AK8: variants seen among roughly 807,000 people sequenced by gnomAD.
AK8 encodes ATP-AMP transphosphorylase 8.
In AK8, 44 loss-of-function variants were observed where a neutral mutation model predicts 54.6. That is an observed-to-expected ratio of 0.81 (90% CI 0.63 to 1.04). The LOEUF is 1.04. Ranked by LOEUF, AK8 falls within the 50% of genes least tolerant of loss-of-function variation. The pLI is 0.00. For missense variants in AK8, 555 were observed against 613.6 expected, an observed-to-expected ratio of 0.90 and a Z score of 1.01; for synonymous variants, 239 against 245.6, an observed-to-expected ratio of 0.97 and a Z score of 0.25.
At chr9:132,747,061 G>C (rs557585951) in intron 11 of AK8, among the ~76,000 whole-genome samples, 1 of 152,146 alleles carries the variant, frequency 6.6e-6, no homozygotes. Flanking sequence ...TGAGGCTCAG[G>C]GTAGCCAAGT....
intron 9 of AK8, among the ~76,000 whole-genome samples, chr9:132,815,284 A>T (rs1354221775): frequency 6.6e-6 from 1 of 152,242 alleles, no homozygotes; most frequent in African/African-American, 2.4e-5. Context: ...TCATCATTAA[A>T]GGGCACCATG....
chr9:132,836,235 G>T (rs774298004), intron 5 of AK8, among the ~76,000 whole-genome samples: 1 of 152,224 alleles, frequency 6.6e-6, no homozygotes, highest in Non-Finnish European at 1.5e-5. Context: ...GCTGCAGGGA[G>T]CTATAATTGT....
At chr9:132,827,526 G>A (rs935263452) in intron 7 of AK8, 8 of 210,344 alleles carry the variant, frequency 3.8e-5, no homozygotes, top group East Asian at 2.4e-4. Context: ...GGGCAGTCCC[G>A]TCTCCCCCCA....
intron 11 of AK8, among the ~76,000 whole-genome samples, chr9:132,773,132 C>T (rs1839061175): frequency 6.6e-6 from 1 of 152,248 alleles, no homozygotes; most frequent in Non-Finnish European, 1.5e-5. Context: ...ACCTGCGAGT[C>T]TCTCCCTGAT....
At chr9:132,877,986 C>A (rs1401265459) in intron 1 of AK8, 186 bp downstream of exon 1, 1 of 1,453,078 alleles carries the variant, frequency 6.9e-7, no homozygotes, top group Non-Finnish European at 9.4e-7. Context: ...CGGGCAGGAC[C>A]AGGAGCGTCC....
At chr9:132,742,866 A>G (rs1837460560) in intron 11 of AK8, among the ~76,000 whole-genome samples, 1 of 152,200 alleles carries the variant, frequency 6.6e-6, no homozygotes, top group African/African-American at 2.4e-5. Flanking sequence ...TCATTAGAAC[A>G]GATGAGGGAA....
At chr9:132,810,004 C>G (rs1840919925) in intron 10 of AK8, among the ~76,000 whole-genome samples, 1 of 152,210 alleles carries the variant, frequency 6.6e-6, no homozygotes, top group African/African-American at 2.4e-5. Flanking sequence ...CCCTGCCAGA[C>G]CTGGGTGGTT....
rs1037032211 is a variant in AK8, at chr9:132,791,970, G to C, written c.1121+664C>G. ...CCCCAAGCCAACAGCCTCCAACTGGGGCATGGTAGAACCGAAGCCTTTCCC... is the reference window on the plus strand; with the variant it reads ...CCCCAAGCCAACAGCCTCCAACTGGCGCATGGTAGAACCGAAGCCTTTCCC... On this transcript the variant is annotated intron_variant, in intron 11 of 12. Coordinates refer to ENST00000298545, the MANE Select transcript of AK8 (RefSeq NM_152572.3). This position sits in a 1 kb window ranked among gnomAD's most constrained non-coding sequence, Gnocchi z 4.0. Among the ~76,000 whole-genome samples the C allele has an allele frequency of 1.1e-4, 17 of 152,184 alleles. No homozygotes were observed. The highest frequency in any genetic ancestry group is 3.9e-4 in the African/African-American group (16 of 41,434).
chr9:132,878,380 C>A (rs552063043), upstream of AK8: 5 of 1,245,794 alleles, frequency 4.0e-6, no homozygotes, highest in African/African-American at 4.7e-5. The surrounding 1 kb of genome is among the most constrained non-coding windows in gnomAD (Gnocchi z 4.7). Context: ...ACCCGATCCT[C>A]GGTCGCGCGG....
intron 11 of AK8, among the ~76,000 whole-genome samples, chr9:132,739,863 G>A (rs1193289295): frequency 1.3e-5 from 2 of 152,276 alleles, no homozygotes; most frequent in African/African-American, 4.8e-5. Context: ...GGGGAGGAAG[G>A]CAGGTTGATT....
chr9:132,736,008 A>G (rs1439815977), intron 11 of AK8, among the ~76,000 whole-genome samples: 1 of 152,206 alleles, frequency 6.6e-6, no homozygotes, highest in Admixed American at 6.5e-5. Flanking sequence ...TGAATACTGT[A>G]GGCAATTATA....
intron 5 of AK8, among the ~76,000 whole-genome samples, chr9:132,844,028 A>G (rs1299135078): frequency 6.6e-6 from 1 of 152,202 alleles, no homozygotes; most frequent in Admixed American, 6.5e-5. Context: ...GACTATGGTC[A>G]AGGTAAAATT....
chr9:132,871,224 C>T (rs538142556), intron 2 of AK8, among the ~76,000 whole-genome samples: 3 of 151,954 alleles, frequency 2.0e-5, no homozygotes, highest in Non-Finnish European at 2.9e-5. Flanking sequence ...CCAGCCTAGG[C>T]GACAGAGCCA....
intron 5 of AK8, among the ~76,000 whole-genome samples, chr9:132,853,801 A>AAAAAAAAAT: frequency 6.6e-6 from 1 of 150,926 alleles, no homozygotes; most frequent in Non-Finnish European, 1.5e-5. Flanking sequence ...AAAAAAAAAA[A>AAAAAAAAAT]AAAAAAAGTA....
intron 8 of AK8, among the ~76,000 whole-genome samples, chr9:132,825,963 A>C (rs1229024065): frequency 6.6e-6 from 1 of 152,236 alleles, no homozygotes; most frequent in Non-Finnish European, 1.5e-5. Flanking sequence ...GAAGCTCAGC[A>C]AGACTTTTGA....
chr9:132,739,385 T>C (rs1461449295), intron 11 of AK8, among the ~76,000 whole-genome samples: 1 of 118,380 alleles, frequency 8.4e-6, no homozygotes, highest in African/African-American at 3.3e-5. Context: ...GAGGTTGCGG[T>C]GAGCTGAGAT....
rs61495439 is a variant in AK8, at chr9:132,765,292, CAAA to C, written c.1121+27339_1121+27341del. ...TGGGCAACAGAGCGAGACTCCATTT[CAAA>C]AAAAAAAAAAAAAAAAAAAGAGAAT... On this transcript the variant is annotated intron_variant, in intron 11 of 12. Transcript: ENST00000298545. 1.1e-3 allele frequency among the ~76,000 whole-genome samples: 67 copies of C among 62,808 alleles called. No homozygotes were observed. In the East Asian group the frequency reaches 0.011, roughly 11 times the overall value. 41.2% of individuals were successfully genotyped at this position (62,808 alleles called of 152,430 possible).
intron 11 of AK8, among the ~76,000 whole-genome samples, chr9:132,761,262 TTC>T (rs1486756550): frequency 7.2e-6 from 1 of 138,382 alleles, no homozygotes; most frequent in South Asian, 2.1e-4. Context: ...TTCTTTTCTT[TTC>T]TTTTCTTTTT....
rs200136811 is a variant in AK8 at position 132,749,702 on chromosome 9, GT to G, written c.1122-22169del. ...GTCTCTTAAGTGCTTCATTTACTCT[GT>G]TTTTTTTTTTTCTTGAGACAGATTT... is the stretch of plus-strand genomic sequence containing the variant. On this transcript the variant is annotated intron_variant, in intron 11 of 12. Transcript: ENST00000298545. 7.5e-3 allele frequency among the ~76,000 whole-genome samples: 1,083 copies of G among 145,234 alleles called. 46 individuals are homozygous for G. In the South Asian group the frequency reaches 0.12, roughly 16 times the overall value.
Sources: allele counts gnomAD v4.1 joint callset (sites outside exome capture counted in the v4.1 genomes callset), GRCh38; gene constraint gnomAD v4.1.1; non-coding constraint Gnocchi (gnomAD v3.1); transcripts MANE v1.5; gene names NCBI Gene and HGNC (gene_info 2026-07-23, HGNC 2026-07-21).